LIMCH1: variants seen among roughly 807,000 people sequenced by gnomAD.
LIMCH1 encodes LIM and calponin homology domains 1.
LIMCH1 carries 113 observed loss-of-function variants against 176.5 expected under a neutral mutation model. The ratio of observed to expected loss-of-function variants is 0.64; its 90% CI spans 0.55 to 0.75. The LOEUF is 0.75. Among genes scored for constraint, LIMCH1 ranks in the 30% least tolerant of loss-of-function variants. LIMCH1 has a pLI of 0.00. For missense variants in LIMCH1, 1,674 were observed against 1,814.9 expected, an observed-to-expected ratio of 0.92 and a Z score of 1.41; for synonymous variants, 619 against 645.9, an observed-to-expected ratio of 0.96 and a Z score of 0.63.
At position 41,538,188 on chromosome 4, in the gene LIMCH1, C is replaced by T. The variant is rs2078163485; in HGVS notation, c.-403C>T. On this transcript the variant is annotated 5_prime_UTR_variant, in exon 1 of 32. Coordinates refer to ENST00000503057, the MANE Select transcript of LIMCH1 (RefSeq NM_001330672.2). ...TCAGCCGCAGCAGCCTGCTTGTGGA[C>T]AGAGCAGGGGTTGGCAGTGGTGACG... 1 of 985,476 alleles carries T rather than the reference C, an allele frequency of 1.0e-6. No homozygotes were observed. The highest frequency in any genetic ancestry group is 1.7e-5 in the African/African-American group (1 of 57,226). The allele number at this position is 985,476 out of a possible 1,614,324, so 61.0% of individuals were successfully genotyped here.
chr4:41,518,567 C>A (rs2075817947), intron 2 of LIMCH1, among the ~76,000 whole-genome samples: 1 of 152,204 alleles, frequency 6.6e-6, no homozygotes, highest in African/African-American at 2.4e-5. Flanking sequence ...ACAATTGTTT[C>A]TTTTTTGTTG....
Position 41,629,753 on chromosome 4 carries a change from C to A in LIMCH1, c.1271+19C>A. 2 of 1,524,822 alleles carry A rather than the reference C, an allele frequency of 1.3e-6. No homozygotes were observed. The highest frequency in any genetic ancestry group is 1.2e-5 in the South Asian group (1 of 82,816). The allele number at this position is 1,524,822 out of a possible 1,614,324, so 94.5% of individuals were successfully genotyped here. ...AGGCGAGGTGTGTCATGTTTCCCCC[C>A]CAGTTTCCCCCTGGCAGTCATGGTA... On this transcript the variant is annotated intron_variant, in intron 9 of 31. Transcript: ENST00000503057.
chr4:41,370,495 A>G (rs927555200), intron 1 of LIMCH1, among the ~76,000 whole-genome samples: 6 of 152,110 alleles, frequency 3.9e-5, no homozygotes, highest in Admixed American at 6.5e-5. Flanking sequence ...GAGAAATAGC[A>G]TCCCCTCTTC....
At chr4:41,609,940 C>T (rs568537672) in intron 4 of LIMCH1, among the ~76,000 whole-genome samples, 3 of 152,354 alleles carry the variant, frequency 2.0e-5, no homozygotes, top group South Asian at 4.1e-4. Flanking sequence ...CTGATATCCT[C>T]ATTTTTATTT....
intron 1 of LIMCH1, among the ~76,000 whole-genome samples, chr4:41,402,268 A>G (rs552806903): frequency 1.3e-5 from 2 of 152,180 alleles, no homozygotes; most frequent in African/African-American, 2.4e-5. Flanking sequence ...AATCAAAACC[A>G]CAATGAGATA....
chr4:41,490,105 G>C (rs1337695910), intron 1 of LIMCH1, among the ~76,000 whole-genome samples: 1 of 152,038 alleles, frequency 6.6e-6, no homozygotes, highest in African/African-American at 2.4e-5. Context: ...CGCTGTCTCA[G>C]GGGTGGCAGA....
chr4:41,489,846 A>G (rs1291528431), intron 1 of LIMCH1, among the ~76,000 whole-genome samples: 3 of 152,168 alleles, frequency 2.0e-5, no homozygotes, highest in Non-Finnish European at 4.4e-5. Context: ...TGAGTCCACA[A>G]AAACTTTACT....
chr4:41,403,407 C>A (rs140791719), intron 1 of LIMCH1, among the ~76,000 whole-genome samples: 1 of 151,932 alleles, frequency 6.6e-6, no homozygotes, highest in African/African-American at 2.4e-5. Flanking sequence ...ATGATGAAAC[C>A]CTGTCTCTAC....
intron 1 of LIMCH1, among the ~76,000 whole-genome samples, chr4:41,555,803 C>T (rs4508927): frequency 0.4 from 60,947 of 152,040 alleles, 18,218 homozygotes; most frequent in African/African-American, 0.85. Context: ...TGCAGTGCAG[C>T]GGCGTGATCA....
At chr4:41,484,795 C>A (rs2069228172) in intron 1 of LIMCH1, among the ~76,000 whole-genome samples, 1 of 152,132 alleles carries the variant, frequency 6.6e-6, no homozygotes, top group Admixed American at 6.5e-5. Context: ...CCAACAGAAT[C>A]TCCTCTTAAG....
At chr4:41,542,584 T>G (rs1457020991) in intron 1 of LIMCH1, among the ~76,000 whole-genome samples, 1 of 152,190 alleles carries the variant, frequency 6.6e-6, no homozygotes, top group Non-Finnish European at 1.5e-5. Context: ...GTTTCTTGAT[T>G]TTTTTGCCTT....
intron 2 of LIMCH1, chr4:41,599,268 G>C (rs527817302): frequency 2.7e-6 from 1 of 365,848 alleles, no homozygotes; most frequent in Admixed American, 4.2e-5. Flanking sequence ...GAATTTTGAA[G>C]AGGAGAAAAA....
chr4:41,488,010 C>T (rs1406317747), intron 1 of LIMCH1, among the ~76,000 whole-genome samples: 1 of 151,594 alleles, frequency 6.6e-6, no homozygotes, highest in Non-Finnish European at 1.5e-5. Flanking sequence ...CGGTGAGCTT[C>T]CTGCACACAG....
chr4:41,429,348 G>A (rs770314345), intron 1 of LIMCH1, among the ~76,000 whole-genome samples: 33 of 151,578 alleles, frequency 2.2e-4, no homozygotes, highest in Non-Finnish European at 3.7e-4. Flanking sequence ...ATTCACTTGC[G>A]TTTAGCCATA....
At chr4:41,586,554 A>AGTC (rs2086512874) in intron 1 of LIMCH1, among the ~76,000 whole-genome samples, 1 of 152,232 alleles carries the variant, frequency 6.6e-6, no homozygotes, top group Non-Finnish European at 1.5e-5. Flanking sequence ...TATGATAGAT[A>AGTC]GTTTAAGCAG....
intron 1 of LIMCH1, among the ~76,000 whole-genome samples, chr4:41,431,297 CAT>C (rs1221709801): frequency 1.3e-5 from 2 of 152,202 alleles, no homozygotes; most frequent in African/African-American, 4.8e-5. Context: ...GATCTATAGA[CAT>C]AGAGTTGGAA....
intron 1 of LIMCH1, among the ~76,000 whole-genome samples, chr4:41,436,915 A>C (rs556946367): frequency 6.6e-6 from 1 of 152,322 alleles, no homozygotes; most frequent in South Asian, 2.1e-4. Context: ...TCTGAAAATG[A>C]AAGCCATCTC....
At chr4:41,374,945 A>G (rs2054512980) in intron 1 of LIMCH1, among the ~76,000 whole-genome samples, 2 of 152,222 alleles carry the variant, frequency 1.3e-5, no homozygotes, top group Non-Finnish European at 1.5e-5. Context: ...CCAGGGAAAT[A>G]GATGAGTTGA....
At chr4:41,636,878 C>T (rs2093616685) in intron 13 of LIMCH1, among the ~76,000 whole-genome samples, 2 of 152,188 alleles carry the variant, frequency 1.3e-5, no homozygotes. Flanking sequence ...TCACTCAACG[C>T]TAATCTATGC....
Sources: gnomAD v4.1 joint callset for allele counts (sites outside exome capture counted in the v4.1 genomes callset) on GRCh38, gnomAD v4.1.1 for gene constraint, MANE v1.5 for transcripts, NCBI Gene and HGNC (gene_info 2026-07-23, HGNC 2026-07-21) for gene names.